The following RASGRP2 variants were observed in gnomAD, a reference collection of about 807,000 sequenced individuals.
The protein encoded by RASGRP2 is RAS guanyl releasing protein 2.
A neutral mutation model predicts 71.0 loss-of-function variants in RASGRP2; 44 were observed. The observed-to-expected ratio is 0.62, with a 90% CI of 0.49 to 0.80. RASGRP2 has a LOEUF of 0.80. RASGRP2 is among the 30% of genes least tolerant of loss of function. The pLI is 0.00. For missense variants in RASGRP2, 663 were observed against 813.4 expected (o/e 0.82, Z 2.25); for synonymous variants, 350 against 330.7 (o/e 1.06, Z -0.63).
chr11:64,733,104 G>A lies in RASGRP2; in HGVS notation c.1412+2008C>T, dbSNP rs538054567. Among the ~76,000 whole-genome samples, 11 of 151,628 alleles carry A rather than the reference G, an allele frequency of 7.3e-5. No homozygotes were observed. In the South Asian group the frequency reaches 1.5e-3, roughly 20 times the overall value. On this transcript the variant is annotated intron_variant, in intron 12 of 16. Coordinates refer to ENST00000394432, the MANE Select transcript of RASGRP2 (RefSeq NM_001098671.2). ...CGCGCTATTGCACTCCAGCCTGAGC[G>A]ACAGAGTGAGACTCTGTCTCAAAAA...
Position 64,729,344 on chromosome 11 carries a change from G to GTT in RASGRP2, c.1592-304_1592-303dup, listed in dbSNP as rs112743015. 6.2e-3 allele frequency among the ~76,000 whole-genome samples: 912 copies of GTT among 146,200 alleles called. 9 individuals are homozygous for GTT. Among genetic ancestry groups the GTT allele is most frequent in the East Asian group, 0.012 (62 of 5,038 alleles). Reference sequence around the variant, plus strand: ...TTTTGGTTTTGGGGGTTTTTTTGTTGTTTTTTTTTTTGAGACAGAGCCCTC... The same window carrying GTT: ...TTTTGGTTTTGGGGGTTTTTTTGTTGTTTTTTTTTTTTTGAGACAGAGCCCTC... On this transcript the variant is annotated intron_variant, in intron 14 of 16. Coordinates refer to ENST00000394432, the MANE Select transcript of RASGRP2 (RefSeq NM_001098671.2).
In RASGRP2 at chr11:64,742,953, C is replaced by T; in HGVS notation, c.-71-16G>A. 2 of 1,526,680 alleles carry T rather than the reference C, an allele frequency of 1.3e-6. No individual in the cohort carries two copies. The highest frequency in any genetic ancestry group is 1.8e-6 in the Non-Finnish European group (2 of 1,141,836). The allele number at this position is 1,526,680 out of a possible 1,614,324, so 94.6% of individuals were successfully genotyped here. A position where few individuals can be genotyped will look rare whatever the true frequency, so the allele number is the denominator to read the frequency against. On this transcript the variant is annotated splice_polypyrimidine_tract_variant and intron_variant, in intron 1 of 16. Transcript: ENST00000394432. This position sits in a 1 kb window ranked among gnomAD's most constrained non-coding sequence, Gnocchi z 4.7. ...GACCGAACCCCTGTCCCGGGAGAGG[C>T]AGAGCGGGAGTCTGCGGAGTCGCGG...
In RASGRP2 at chr11:64,743,928, ATCC is replaced by A. The variant is rs1337236140; in HGVS notation, c.-72+72_-72+74del. 1 of 985,084 alleles carries A rather than the reference ATCC, an allele frequency of 1.0e-6. No individual in the cohort carries two copies. The highest frequency in any genetic ancestry group is 1.8e-5 in the African/African-American group (1 of 56,734). 61.0% of individuals were successfully genotyped at this position (985,084 alleles called of 1,614,324 possible). On this transcript the variant is annotated intron_variant, in intron 1 of 16. Coordinates refer to ENST00000394432, the MANE Select transcript of RASGRP2 (RefSeq NM_001098671.2). This position sits in a 1 kb window ranked among gnomAD's most constrained non-coding sequence, Gnocchi z 4.9. Reference sequence around the variant, plus strand: ...ACCGGGCCACAGGCACCGGCCTCCCATCCTCCGTCTCTCACACACAATGGCACC... The same window carrying A: ...ACCGGGCCACAGGCACCGGCCTCCCATCCGTCTCTCACACACAATGGCACC...
intron 12 of RASGRP2, among the ~76,000 whole-genome samples, chr11:64,733,853 C>CTT (rs200730812): frequency 0.7 from 94,771 of 135,654 alleles, 37,047 homozygotes; most frequent in Non-Finnish European, 0.88. Context: ...CTTTTTTTTT[C>CTT]TTTTTTTTTT....
At chr11:64,737,187 C>T in intron 8 of RASGRP2, 153 bp from the exon 9 acceptor site, 2 of 881,690 alleles carry the variant, frequency 2.3e-6, no homozygotes, top group Non-Finnish European at 3.6e-6. Flanking sequence ...CTCTCTCAGC[C>T]CCTGGGGATT....
Position 64,743,466 on chromosome 11 carries a change from G to A in RASGRP2, c.-71-529C>T. On this transcript the variant is annotated intron_variant, in intron 1 of 16. Transcript: ENST00000394432. This position sits in a 1 kb window ranked among gnomAD's most constrained non-coding sequence, Gnocchi z 4.9. ...CCGGGAGCCCAGGAAGGCGAGGCGG[G>A]GCTGCGGCAGCCCCCAGGGGGCCTG... The A allele has an allele frequency of 2.9e-6, 1 of 350,650 alleles. No individual in the cohort carries two copies. Among genetic ancestry groups the A allele is most frequent in the Non-Finnish European group, 5.6e-6 (1 of 177,488 alleles). The allele number at this position is 350,650 out of a possible 1,614,324, so 21.7% of individuals were successfully genotyped here.
rs868760817 is a variant in RASGRP2, at chr11:64,742,450, G to A, written c.74-338C>T. On this transcript the variant is annotated intron_variant, in intron 2 of 16. Coordinates refer to ENST00000394432, the MANE Select transcript of RASGRP2 (RefSeq NM_001098671.2). The surrounding 1 kb of genome is among the most constrained non-coding windows in gnomAD (Gnocchi z 4.7). ...GGGGGGAAGGGGCACCCCTTCACCAGATAAGCCGCCCCCCATTAGCCGGAA... is the reference window on the plus strand; with the variant it reads ...GGGGGGAAGGGGCACCCCTTCACCAAATAAGCCGCCCCCCATTAGCCGGAA... 2.8e-5 allele frequency: 16 copies of A among 562,156 alleles called. No individual in the cohort carries two copies. Among genetic ancestry groups the A allele is most frequent in the African/African-American group, 5.6e-5 (3 of 53,136 alleles). The allele number at this position is 562,156 out of a possible 1,614,324, so 34.8% of individuals were successfully genotyped here.
Position 64,741,081 on chromosome 11 carries a change from TGGA to T in RASGRP2, c.240-5_240-3del. The T allele has an allele frequency of 6.2e-7, 1 of 1,612,262 alleles. No homozygotes were observed. The highest frequency in any genetic ancestry group is 8.5e-7 in the Non-Finnish European group (1 of 1,179,928). On this transcript the variant is annotated splice_region_variant and splice_polypyrimidine_tract_variant and intron_variant, in intron 4 of 16. Coordinates refer to ENST00000394432, the MANE Select transcript of RASGRP2 (RefSeq NM_001098671.2). ...GCTGGGAAGGCGGAGATCCAGTACC[TGGA>T]GGAGCGGGGAGTCACCCAAGATAGC...
chr11:64,736,017 T>A (rs1288333475), intron 9 of RASGRP2, 37 bp from the exon 10 acceptor site: 3 of 1,588,740 alleles, frequency 1.9e-6, no homozygotes, highest in Non-Finnish European at 2.6e-6. Context: ...CACTGGCCCC[T>A]GCCCACAGCC....
chr11:64,739,432 G>C lies in RASGRP2; in HGVS notation c.741C>G (p.Val247=), dbSNP rs563697119. 2 of 1,614,142 alleles carry C rather than the reference G, an allele frequency of 1.2e-6. No homozygotes were observed. Among genetic ancestry groups the C allele is most frequent in the East Asian group, 4.5e-5 (2 of 44,878 alleles). The part of the protein sequence containing the change: ...LQNFNTLMAV[V]GGLSHSSISR... ...AGATGGAGCTGTGGCTCAGGCCCCC[G>C]ACCACTGCCATCAGCGTGTTGAAGT... is the stretch of plus-strand genomic sequence containing the variant. Residue 247 remains valine (V), a synonymous_variant, in exon 8 of 17, where the codon GTC becomes GTG. Transcript: ENST00000394432. The surrounding 1 kb of genome is among the most constrained non-coding windows in gnomAD (Gnocchi z 4.2).
intron 9 of RASGRP2, among the ~76,000 whole-genome samples, 173 bp downstream of exon 9, chr11:64,736,580 C>T (rs1345670985): frequency 6.6e-6 from 1 of 152,188 alleles, no homozygotes; most frequent in Non-Finnish European, 1.5e-5. Context: ...AGTCCACAGC[C>T]CCAACCAGAG....
Position 64,743,862 on chromosome 11 carries a change from CG to C in RASGRP2, c.-72+140del. Reference sequence around the variant, plus strand: ...CACACCCAAGTTATTCGTCGGAGGCCGGGGACCTAAGTGGAGGTGCAGGCGT... The same window carrying C: ...CACACCCAAGTTATTCGTCGGAGGCCGGGACCTAAGTGGAGGTGCAGGCGT... On this transcript the variant is annotated intron_variant, in intron 1 of 16. Transcript: ENST00000394432. This position sits in a 1 kb window ranked among gnomAD's most constrained non-coding sequence, Gnocchi z 4.9. 1 of 446,022 alleles carries C rather than the reference CG, an allele frequency of 2.2e-6. No individual in the cohort carries two copies. The highest frequency in any genetic ancestry group is 3.1e-6 in the Non-Finnish European group (1 of 319,938). 27.6% of individuals were successfully genotyped at this position (446,022 alleles called of 1,614,324 possible).
rs1214420438 is a variant in RASGRP2 at position 64,735,626 on chromosome 11, G to A, written c.1212C>T (p.Pro404=). The A allele has an allele frequency of 3.7e-6, 6 of 1,613,734 alleles. No homozygotes were observed. The highest frequency in any genetic ancestry group is 5.1e-6 in the Non-Finnish European group (6 of 1,179,934). ...SPTSCTPPPR[P]PVLEEWTSAA... ...CCGAGGTCCACTCCTCCAGTACCGGGGGCCGGGGTGGTGGGGTGCAACTCG... is the reference window on the plus strand; with the variant it reads ...CCGAGGTCCACTCCTCCAGTACCGGAGGCCGGGGTGGTGGGGTGCAACTCG... Residue 404 remains proline (P), a synonymous_variant, in exon 11 of 17, where the codon CCC becomes CCT. Transcript: ENST00000394432. The surrounding 1 kb of genome is among the most constrained non-coding windows in gnomAD (Gnocchi z 4.2).
In RASGRP2 at chr11:64,740,157, G is replaced by A; in HGVS notation, c.378C>T (p.Thr126=). ...GAGTCACCTGCCGCTTCCACTTGTA[G>A]GTAGGGCTGGGGGGGCAGGGGTAGT... ...SSLIDIDSVP[T]YKWKRQVTQR... Residue 126 remains threonine, a synonymous_variant, in exon 6 of 17, where the codon ACC becomes ACT. Coordinates refer to ENST00000394432, the MANE Select transcript of RASGRP2 (RefSeq NM_001098671.2). 2 of 1,614,094 alleles carry A rather than the reference G, an allele frequency of 1.2e-6. No individual in the cohort carries two copies. The highest frequency in any genetic ancestry group is 1.7e-6 in the Non-Finnish European group (2 of 1,180,018).
chr11:64,733,389 C>G (rs1158770214), intron 12 of RASGRP2, among the ~76,000 whole-genome samples: 1 of 134,392 alleles, frequency 7.4e-6, no homozygotes, highest in Admixed American at 8.6e-5. Context: ...GGGCTTCCCC[C>G]TCACCAACAC....
chr11:64,741,618 G>A (rs1370112885), intron 3 of RASGRP2, 117 bp from the exon 4 acceptor site: 8 of 949,050 alleles, frequency 8.4e-6, no homozygotes, highest in South Asian at 1.4e-5. Context: ...CTTGCGCTCT[G>A]CGGAGATGCT....
intron 13 of RASGRP2, 73 bp downstream of exon 13, chr11:64,729,980 G>A: frequency 6.6e-7 from 1 of 1,526,312 alleles, no homozygotes; most frequent in Non-Finnish European, 8.8e-7. Flanking sequence ...GGCAGAGGCG[G>A]GGCCAGAAGG....
chr11:64,730,036 G>C lies in RASGRP2; in HGVS notation c.1554+17C>G, dbSNP rs1455119914. ...AGGGGCGTGGCTTGGGCCGTGAGCC[G>C]GGAAAGGGACTCTCACCAGGGCTTT... On this transcript the variant is annotated intron_variant, in intron 13 of 16. Transcript: ENST00000394432. The C allele has an allele frequency of 1.3e-6, 2 of 1,548,750 alleles. No homozygotes were observed. Among genetic ancestry groups the C allele is most frequent in the Non-Finnish European group, 1.7e-6 (2 of 1,146,548 alleles).
In RASGRP2 at chr11:64,739,815, G is replaced by A. The variant is rs1481477282; in HGVS notation, c.523-6C>T. 6.2e-7 allele frequency: 1 copy of A among 1,613,572 alleles called. No homozygotes were observed. The highest frequency in any genetic ancestry group is 2.2e-5 in the East Asian group (1 of 44,870). Reference sequence around the variant, plus strand: ...AAACTGTGATAGTCCTGAAACTGGGGGCATGAGGAGTGGCCTCAGCACCTT... The same window carrying A: ...AAACTGTGATAGTCCTGAAACTGGGAGCATGAGGAGTGGCCTCAGCACCTT... On this transcript the variant is annotated splice_region_variant and splice_polypyrimidine_tract_variant and intron_variant, in intron 6 of 16. Transcript: ENST00000394432. This position sits in a 1 kb window ranked among gnomAD's most constrained non-coding sequence, Gnocchi z 4.2.
Sources: allele counts gnomAD v4.1 joint callset (sites outside exome capture counted in the v4.1 genomes callset), GRCh38; gene constraint gnomAD v4.1.1; non-coding constraint Gnocchi (gnomAD v3.1); transcripts MANE v1.5; gene names NCBI Gene and HGNC (gene_info 2026-07-23, HGNC 2026-07-21).